The following SYNE1 variants were observed in gnomAD, a reference collection of about 807,000 sequenced individuals.
SYNE1 encodes the protein nesprin-1.
In SYNE1, 616 loss-of-function variants were observed where a neutral mutation model predicts 1,111.0. The observed-to-expected ratio is 0.55, with a 90% confidence interval of 0.52 to 0.59. The LOEUF (loss-of-function observed/expected upper bound fraction) is 0.59. SYNE1 is among the 20% of genes least tolerant of loss of function. SYNE1 has a pLI of 0.00. For missense variants in SYNE1, 10,006 were observed against 10,417.0 expected (o/e 0.96, Z 1.72); for synonymous variants, 3,855 against 3,825.8 (o/e 1.01, Z -0.28).
At chr6:152,232,547 A>C (rs1408918485) in intron 112 of SYNE1, among the ~76,000 whole-genome samples, 2 of 152,236 alleles carry the variant, frequency 1.3e-5, no homozygotes, top group Non-Finnish European at 2.9e-5. Flanking sequence ...TATTATTCTT[A>C]TTTTATAACT....
intron 68 of SYNE1, 67 bp downstream of exon 68, chr6:152,353,522 T>G: frequency 6.2e-7 from 1 of 1,613,786 alleles, no homozygotes; most frequent in Non-Finnish European, 8.5e-7. Context: ...TGGATGTTAG[T>G]GAAAGGAAGG....
intron 55 of SYNE1, 59 bp downstream of exon 55, chr6:152,385,615 T>A: frequency 6.3e-7 from 1 of 1,588,206 alleles, no homozygotes; most frequent in Non-Finnish European, 8.6e-7. Context: ...AAAATCTTTA[T>A]CAAAAGTACT....
chr6:152,138,606 ACCC>A (rs1226263892), intron 140 of SYNE1, among the ~76,000 whole-genome samples: 1 of 151,956 alleles, frequency 6.6e-6, no homozygotes, highest in African/African-American at 2.4e-5. Flanking sequence ...AAAAACATCA[ACCC>A]CAAATAAAAA....
intron 3 of SYNE1, among the ~76,000 whole-genome samples, chr6:152,602,465 C>T (rs548177443): frequency 3.9e-5 from 6 of 152,206 alleles, no homozygotes; most frequent in African/African-American, 1.4e-4. Context: ...GCTTCTAGAA[C>T]CAAGAGACAA....
chr6:152,312,495 C>T (rs1431553166), intron 87 of SYNE1, among the ~76,000 whole-genome samples: 2 of 150,664 alleles, frequency 1.3e-5, no homozygotes, highest in African/African-American at 4.9e-5. Context: ...ATGTGACTCA[C>T]TGCACCCAGC....
chr6:152,605,725 C>T (rs566582031), intron 3 of SYNE1, among the ~76,000 whole-genome samples: 11 of 152,136 alleles, frequency 7.2e-5, no homozygotes, highest in Non-Finnish European at 1.6e-4. Flanking sequence ...GGCAGAAAGG[C>T]TCTTTTTATA....
Position 152,330,026 on chromosome 6 carries a change from T to G in SYNE1, c.14659A>C (p.Ile4887Leu). 1 of 1,614,186 alleles carries G rather than the reference T, an allele frequency of 6.2e-7. No homozygotes were observed. The highest frequency in any genetic ancestry group is 8.5e-7 in the Non-Finnish European group (1 of 1,180,040). ...CGACTCATCTCAGTCTGGAAGTCTA[T>G]ACTCTGCACCATTCGGCTCTCACAT... ...TECESRMVQS[I>L]DFQTEMSRSL... The change falls in exon 78 of 146, where the codon ATA becomes CTA. Residue 4887 changes from isoleucine (I) to leucine (L), a missense_variant. Coordinates refer to ENST00000367255, the MANE Select transcript of SYNE1 (RefSeq NM_182961.4).
chr6:152,447,383 T>C, intron 29 of SYNE1, 75 bp downstream of exon 29: 1 of 1,528,536 alleles, frequency 6.5e-7, no homozygotes, highest in South Asian at 1.2e-5. Flanking sequence ...CTTGCTAAAC[T>C]ACAACCAGAA....
chr6:152,607,010 C>T (rs1466286475), intron 3 of SYNE1, among the ~76,000 whole-genome samples: 2 of 93,704 alleles, frequency 2.1e-5, no homozygotes, highest in Non-Finnish European at 3.9e-5. Context: ...TTTGAGACGG[C>T]GTCTTGCTCT....
chr6:152,164,289 C>T lies in SYNE1; in HGVS notation c.23664G>A (p.Gln7888=), dbSNP rs375008462. ...GGCTGCTCATGTTCTTATCAAGCTG[C>T]TGCACGGCTACCAGGGTCTCCTTCA... ...KKLKETLVAV[Q]QLDKNMSSLR... Residue 7888 remains glutamine, a synonymous_variant, in exon 131 of 146, where the codon CAG becomes CAA. Transcript: ENST00000367255. 2.9e-5 allele frequency: 47 copies of T among 1,614,070 alleles called. No individual in the cohort carries two copies. The South Asian group carries it at 4.7e-4, about 16-fold the overall frequency.
intron 31 of SYNE1, 46 bp from the exon 32 acceptor site, chr6:152,441,316 A>C (rs756139382): frequency 1.3e-6 from 2 of 1,567,544 alleles, no homozygotes; most frequent in East Asian, 4.6e-5. Flanking sequence ...AATGTCACAC[A>C]ATACTATCAT....
intron 14 of SYNE1, among the ~76,000 whole-genome samples, chr6:152,480,174 C>A (rs1023201590): frequency 2.6e-5 from 4 of 152,170 alleles, no homozygotes; most frequent in Non-Finnish European, 2.9e-5. Context: ...TACATCAAAT[C>A]GAGAGACTGA....
Position 152,230,823 on chromosome 6 carries a change from G to A in SYNE1, c.21040-121C>T, listed in dbSNP as rs114600310. 2.1e-3 allele frequency: 2,398 copies of A among 1,157,458 alleles called. 47 individuals are homozygous for A. In the African/African-American group the frequency reaches 0.033, roughly 16 times the overall value. The allele number at this position is 1,157,458 out of a possible 1,614,324, so 71.7% of individuals were successfully genotyped here. A position where few individuals can be genotyped will look rare whatever the true frequency, so the allele number is the denominator to read the frequency against. ...AAGAATTCTTAAAATACAGTTCATC[G>A]TATATATGATTTAAAACAGGGGTGT... is the stretch of plus-strand genomic sequence containing the variant. On this transcript the variant is annotated intron_variant, in intron 114 of 145. Transcript: ENST00000367255.
intron 3 of SYNE1, among the ~76,000 whole-genome samples, chr6:152,567,413 G>C (rs558892070): frequency 6.6e-6 from 1 of 152,016 alleles, no homozygotes; most frequent in Non-Finnish European, 1.5e-5. Flanking sequence ...AACCTACACA[G>C]TGCTTACATG....
Position 152,526,186 on chromosome 6 carries a change from A to G in SYNE1, c.130-11T>C, listed in dbSNP as rs778042175. On this transcript the variant is annotated splice_polypyrimidine_tract_variant and intron_variant, in intron 4 of 145. Transcript: ENST00000367255. The stretch of plus-strand genomic sequence containing the variant: ...CATTGGAGGTTTCCGCTGTAAAAGC[A>G]AAGAGGAATAAGTGCAGAAAATATC... The G allele has an allele frequency of 3.7e-6, 6 of 1,612,620 alleles. No individual in the cohort carries two copies. Among genetic ancestry groups the G allele is most frequent in the Middle Eastern group, 1.6e-4 (1 of 6,062 alleles).
intron 93 of SYNE1, among the ~76,000 whole-genome samples, chr6:152,298,929 A>G (rs1431177145): frequency 2.0e-5 from 3 of 152,238 alleles, no homozygotes; most frequent in African/African-American, 7.2e-5. Flanking sequence ...ACTTTGCAGC[A>G]TCACATGTAA....
Position 152,466,951 on chromosome 6 carries a change from C to T in SYNE1, c.1633-873G>A, listed in dbSNP as rs141833501. ...AAATACAAAATTAGCCTTCAAAAAC[C>T]AGCTGAATTCTTGTATAGCACGCTG... On this transcript the variant is annotated intron_variant, in intron 16 of 145. Coordinates refer to ENST00000367255, the MANE Select transcript of SYNE1 (RefSeq NM_182961.4). Among the ~76,000 whole-genome samples, 89 of 152,088 alleles carry T rather than the reference C, an allele frequency of 5.9e-4. 3 individuals carry two copies. The highest frequency in any genetic ancestry group is 5.5e-3 in the Admixed American group (84 of 15,264).
At chr6:152,622,034 A>C (rs963696008) in intron 3 of SYNE1, among the ~76,000 whole-genome samples, 9 of 152,328 alleles carry the variant, frequency 5.9e-5, no homozygotes, top group Admixed American at 2.0e-4. Context: ...TAGGCATAAT[A>C]ATTTATTCAT....
At chr6:152,362,078 C>G (rs749030114) in intron 64 of SYNE1, 92 bp downstream of exon 64, 78 of 1,568,500 alleles carry the variant, frequency 5.0e-5, no homozygotes, top group Non-Finnish European at 6.7e-5. Context: ...ATGTGCACTG[C>G]CCTAGGGTAC....
Sources: allele counts gnomAD v4.1 joint callset (sites outside exome capture counted in the v4.1 genomes callset), GRCh38; gene constraint gnomAD v4.1.1; transcripts MANE v1.5; gene names NCBI Gene and HGNC (gene_info 2026-07-23, HGNC 2026-07-21).